SETD6: variants seen among roughly 807,000 people sequenced by gnomAD.
SETD6 encodes N-lysine methyltransferase SETD6.
SETD6 carries 67 observed loss-of-function variants against 52.7 expected under a neutral mutation model. The observed-to-expected ratio is 1.27, with a 90% CI of 1.04 to 1.56. SETD6 has a LOEUF of 1.56. Among genes scored for constraint, SETD6 ranks in the 40% most tolerant of loss-of-function variants. SETD6 has a pLI of 0.00. For synonymous variants in SETD6, 307 were observed against 250.2 expected (o/e 1.23, Z -2.14); for missense variants, 712 against 607.5 (o/e 1.17, Z -1.81).
chr16:58,518,514 A>G lies in SETD6; in HGVS notation c.1087A>G (p.Thr363Ala). 2 of 1,594,118 alleles carry G rather than the reference A, an allele frequency of 1.3e-6. No homozygotes were observed. Among genetic ancestry groups the G allele is most frequent in the South Asian group, 1.2e-5 (1 of 86,592 alleles). Residue 363 changes from threonine (T) to alanine (A), a missense_variant, in exon 7 of 8, where the codon ACT (threonine) becomes GCT (alanine). By Grantham distance (58) the Thr-to-Ala change is moderately conservative. Transcript: ENST00000219315. The stretch of plus-strand genomic sequence containing the variant: ...TGTGATAGGGAGGGAGGAGGTGCTG[A>G]CTGAAGAGGAGCTGACCACCACACT... ...AFVIGREEVL[T>A]EEELTTTLKV...
At position 58,519,746 on chromosome 16, in the gene SETD6, GAAAT is replaced by G. The variant is rs1243479440; in HGVS notation, c.*723_*726del. On this transcript the variant is annotated 3_prime_UTR_variant, in exon 8 of 8. Transcript: ENST00000219315. Reference sequence around the variant, plus strand: ...CCTGCTCCAGCATTTGTCCAGTGTTGAAATAAATAGGAAGAAAAATACAATTTCC... The same window carrying G: ...CCTGCTCCAGCATTTGTCCAGTGTTGAAATAGGAAGAAAAATACAATTTCC... The G allele has an allele frequency of 6.6e-6, 1 of 152,212 alleles. No individual in the cohort carries two copies. The highest frequency in any genetic ancestry group is 1.9e-4 in the East Asian group (1 of 5,182). The allele number at this position is 152,212 out of a possible 1,614,324, so 9.4% of individuals were successfully genotyped here.
At chr16:58,517,865 A>G (rs922282618) in intron 5 of SETD6, 186 bp from the exon 6 acceptor site, 1 of 674,292 alleles carries the variant, frequency 1.5e-6, no homozygotes, top group Non-Finnish European at 2.5e-6. Flanking sequence ...CTGGCCTTTT[A>G]AAGTTAGCCC....
In SETD6 at chr16:58,522,760, C is replaced by T. The variant is rs1314075860; in HGVS notation, c.*3731C>T. On this transcript the variant is annotated 3_prime_UTR_variant, in exon 8 of 8. Coordinates refer to ENST00000219315, the MANE Select transcript of SETD6 (RefSeq NM_001160305.4). ...GATTTAGGACTGGTTATCACCACCA[C>T]CTCAGAGAAACTCCTGACCTTTAAT... is the stretch of plus-strand genomic sequence containing the variant. 6.6e-6 allele frequency among the ~76,000 whole-genome samples: 1 copy of T among 152,242 alleles called. No homozygotes were observed. The highest frequency in any genetic ancestry group is 1.5e-5 in the Non-Finnish European group (1 of 68,050).
In SETD6 at chr16:58,522,733, A is replaced by G. The variant is rs949091590; in HGVS notation, c.*3704A>G. Among the ~76,000 whole-genome samples the G allele has an allele frequency of 1.2e-4, 18 of 152,240 alleles. No homozygotes were observed. The highest frequency in any genetic ancestry group is 8.8e-5 in the Non-Finnish European group (6 of 68,048). ...CTTAACATAGACTTCATAGGCCTGC[A>G]TGATTTAGGACTGGTTATCACCACC... is the stretch of plus-strand genomic sequence containing the variant. On this transcript the variant is annotated 3_prime_UTR_variant, in exon 8 of 8. Transcript: ENST00000219315.
chr16:58,518,922 A>G lies in SETD6; in HGVS notation c.1315A>G (p.Ser439Gly), dbSNP rs2039268071. 2 of 1,614,230 alleles carry G rather than the reference A, an allele frequency of 1.2e-6. No homozygotes were observed. Among genetic ancestry groups the G allele is most frequent in the South Asian group, 2.2e-5 (2 of 91,084 alleles). ...CTTAAAAACTGACCAAGGTTTACTC[A>G]GTAATAAGGAAGTCTATGCGAAACT... Reference protein sequence around the residue: ...TDLKTDQGLLSNKEVYAKLSW... With the variant: ...TDLKTDQGLLGNKEVYAKLSW... The change falls in exon 8 of 8, where the codon AGT becomes GGT. Residue 439 changes from serine to glycine, a missense_variant. Ser to Gly is a moderately conservative substitution (Grantham distance 56). Coordinates refer to ENST00000219315, the MANE Select transcript of SETD6 (RefSeq NM_001160305.4).
rs1300813004 is a variant in SETD6, at chr16:58,516,479, C to T, written c.478C>T (p.Pro160Ser). ...ACCTGGGTGTGGGTGTCCCTGCAGG[C>T]CAGAGGAGGAGCGCCGGTGCCTGCT... ...LGRLEHPMFW[P>S]EEERRCLLQG... is the part of the protein sequence containing the mutation. The change falls in exon 4 of 8, where the codon CCA (proline) becomes TCA (serine). Residue 160 changes from proline to serine, a missense_variant and splice_region_variant. Physicochemically the swap from Pro to Ser is moderately conservative, Grantham distance 74. Transcript: ENST00000219315. 3 of 1,613,888 alleles carry T rather than the reference C, an allele frequency of 1.9e-6. No homozygotes were observed. The highest frequency in any genetic ancestry group is 1.6e-4 in the Middle Eastern group (1 of 6,062).
chr16:58,515,890 C>G lies in SETD6; in HGVS notation c.127C>G (p.Arg43Gly). 2 of 1,511,028 alleles carry G rather than the reference C, an allele frequency of 1.3e-6. No homozygotes were observed. Among genetic ancestry groups the G allele is most frequent in the Non-Finnish European group, 1.8e-6 (2 of 1,138,686 alleles). The allele number at this position is 1,511,028 out of a possible 1,614,324, so 93.6% of individuals were successfully genotyped here. A position where few individuals can be genotyped will look rare whatever the true frequency, so the allele number is the denominator to read the frequency against. The part of the protein sequence containing the change: ...GLELSPKVSE[R>G]AGGRRTRGGA... ...GGAGCTGAGTCCCAAGGTGAGCGAG[C>G]GAGCCGGCGGGCGGAGGACCCGCGG... Residue 43 changes from arginine to glycine, a missense_variant, in exon 2 of 8, where the codon CGA (arginine) becomes GGA (glycine). Arg to Gly is a moderately radical substitution (Grantham distance 125). Transcript: ENST00000219315.
At chr16:58,516,755 A>AC (rs2039173896) in intron 4 of SETD6, 53 bp from the exon 5 acceptor site, 3 of 1,610,606 alleles carry the variant, frequency 1.9e-6, no homozygotes, top group Non-Finnish European at 1.7e-6. Context: ...AGTGAAATCC[A>AC]CCCCCAGTCC....
chr16:58,521,442 T>C lies in SETD6; in HGVS notation c.*2413T>C. The C allele has an allele frequency of 1.1e-6, 1 of 898,136 alleles. No homozygotes were observed. 55.6% of individuals were successfully genotyped at this position (898,136 alleles called of 1,614,324 possible). A position where few individuals can be genotyped will look rare whatever the true frequency, so the allele number is the denominator to read the frequency against. On this transcript the variant is annotated 3_prime_UTR_variant, in exon 8 of 8. Transcript: ENST00000219315. ...CACATGCAAAAGTTTTCACCTTTAG[T>C]AAAGACAGGTGGATTAATATACTCC...
rs778896876 is a variant in SETD6, at chr16:58,516,343, G to T, written c.476G>T (p.Trp159Leu). The T allele has an allele frequency of 6.2e-6, 10 of 1,609,840 alleles. No homozygotes were observed. In the South Asian group the frequency reaches 8.8e-5, roughly 14 times the overall value. Residue 159 changes from tryptophan (W) to leucine (L), a missense_variant and splice_region_variant, in exon 3 of 8, where the codon TGG (tryptophan) becomes TTG (leucine). Transcript: ENST00000219315. ...ELGRLEHPMF[W>L]PEEERRCLLQ... Reference sequence around the variant, plus strand: ...GGCCGCTTGGAGCACCCGATGTTCTGGTGAGAGCCTTGGGAGGGGTTGGGG... The same window carrying T: ...GGCCGCTTGGAGCACCCGATGTTCTTGTGAGAGCCTTGGGAGGGGTTGGGG...
intron 4 of SETD6, 60 bp downstream of exon 4, chr16:58,516,732 A>C: frequency 6.2e-7 from 1 of 1,609,762 alleles, no homozygotes; most frequent in Non-Finnish European, 8.5e-7. Context: ...TAGAGGGACA[A>C]AAGTGGAAAA....
At position 58,519,111 on chromosome 16, in the gene SETD6, T is replaced by C; in HGVS notation, c.*82T>C. 1.4e-6 allele frequency: 2 copies of C among 1,386,372 alleles called. No homozygotes were observed. Among genetic ancestry groups the C allele is most frequent in the Non-Finnish European group, 1.9e-6 (2 of 1,038,186 alleles). 85.9% of individuals were successfully genotyped at this position (1,386,372 alleles called of 1,614,324 possible). ...CATTGATGTTTGAAAAAGAGGAAAA[T>C]TTGGATCTTTCTTTTGCTTACTAAA... On this transcript the variant is annotated 3_prime_UTR_variant, in exon 8 of 8. Transcript: ENST00000219315.
In SETD6 at chr16:58,515,926, G is replaced by A; in HGVS notation, c.163G>A (p.Ala55Thr). The change falls in exon 2 of 8, where the codon GCT becomes ACT. Residue 55 changes from alanine (A) to threonine (T), a missense_variant. Coordinates refer to ENST00000219315, the MANE Select transcript of SETD6 (RefSeq NM_001160305.4). ...GGRRTRGGAR[A>T]ALTSPPAQVA... ...GCGGAGGACCCGCGGCGGGGCGCGG[G>A]CTGCCCTGACCAGCCCTCCTGCTCA... is the stretch of plus-strand genomic sequence containing the variant. 6.6e-7 allele frequency: 1 copy of A among 1,513,058 alleles called. No individual in the cohort carries two copies. Among genetic ancestry groups the A allele is most frequent in the Non-Finnish European group, 8.8e-7 (1 of 1,139,046 alleles). 93.7% of individuals were successfully genotyped at this position (1,513,058 alleles called of 1,614,324 possible). A position where few individuals can be genotyped will look rare whatever the true frequency, so the allele number is the denominator to read the frequency against.
intron 7 of SETD6, 34 bp downstream of exon 7, chr16:58,518,577 A>C: frequency 6.3e-7 from 1 of 1,590,138 alleles, no homozygotes; most frequent in South Asian, 1.2e-5. Flanking sequence ...TAATGCTGAT[A>C]ATCTAAGTAT....
chr16:58,515,601 C>T (rs1405590808), intron 1 of SETD6, 37 bp downstream of exon 1: 1 of 1,513,000 alleles, frequency 6.6e-7, no homozygotes, highest in East Asian at 2.6e-5. Flanking sequence ...TTTTCCTCCG[C>T]GCCTCACCCC....
chr16:58,523,585 T>G lies in SETD6; in HGVS notation c.*4556T>G. ...AGTTCTAACTGGCTAGGGTTTGGGTTTCTGACAGAGGCTTTCAAATTAATC... is the reference window on the plus strand; with the variant it reads ...AGTTCTAACTGGCTAGGGTTTGGGTGTCTGACAGAGGCTTTCAAATTAATC... On this transcript the variant is annotated 3_prime_UTR_variant, in exon 8 of 8. Coordinates refer to ENST00000219315, the MANE Select transcript of SETD6 (RefSeq NM_001160305.4). 2.3e-6 allele frequency: 3 copies of G among 1,310,750 alleles called. No individual in the cohort carries two copies. The highest frequency in any genetic ancestry group is 3.2e-6 in the Non-Finnish European group (3 of 950,074). 81.2% of individuals were successfully genotyped at this position (1,310,750 alleles called of 1,614,324 possible).
intron 2 of SETD6, 27 bp from the exon 3 acceptor site, chr16:58,516,175 G>C (rs761555797): frequency 6.9e-7 from 1 of 1,447,320 alleles, no homozygotes; most frequent in East Asian, 2.7e-5. Flanking sequence ...GGCCGCGCCG[G>C]GGCGCTCACA....
At position 58,518,804 on chromosome 16, in the gene SETD6, C is replaced by T; in HGVS notation, c.1197C>T (p.Ser399=). The T allele has an allele frequency of 6.2e-7, 1 of 1,614,126 alleles. No individual in the cohort carries two copies. The highest frequency in any genetic ancestry group is 1.6e-4 in the Middle Eastern group (1 of 6,062). ...GGGDDKREEG[S]LTITNIPKLK... is the part of the protein sequence containing the mutation. ...GAGATGATAAAAGGGAAGAGGGCAG[C>T]CTGACGATCACAAATATTCCCAAGC... Residue 399 remains serine (S), a synonymous_variant, in exon 8 of 8, where the codon AGC becomes AGT. Coordinates refer to ENST00000219315, the MANE Select transcript of SETD6 (RefSeq NM_001160305.4).
At position 58,515,775 on chromosome 16, in the gene SETD6, C is replaced by A; in HGVS notation, c.28-16C>A. 2 of 1,477,516 alleles carry A rather than the reference C, an allele frequency of 1.4e-6. No individual in the cohort carries two copies. The highest frequency in any genetic ancestry group is 2.7e-5 in the East Asian group (1 of 36,942). The allele number at this position is 1,477,516 out of a possible 1,614,324, so 91.5% of individuals were successfully genotyped here. ...CTCTGGGGGTCGGACCTGGTCACTG[C>A]GCGCACTTATCTCAGGTGGCGGGGC... On this transcript the variant is annotated splice_polypyrimidine_tract_variant and intron_variant, in intron 1 of 7. Coordinates refer to ENST00000219315, the MANE Select transcript of SETD6 (RefSeq NM_001160305.4).
Sources: allele counts gnomAD v4.1 joint callset (sites outside exome capture counted in the v4.1 genomes callset), GRCh38; gene constraint gnomAD v4.1.1; transcripts MANE v1.5; gene names NCBI Gene and HGNC (gene_info 2026-07-23, HGNC 2026-07-21).